STPG4: variants seen among roughly 807,000 people sequenced by gnomAD.
STPG4 encodes the protein sperm-tail PG-rich repeat containing 4, also known as protein STPG4.
Under a neutral mutation model 31.5 loss-of-function variants are expected in STPG4, and 41 were observed. The ratio of observed to expected loss-of-function variants is 1.30; its 90% CI spans 1.01 to 1.69. STPG4 has a LOEUF of 1.69. STPG4 is among the 40% of genes most tolerant of loss of function. STPG4 has a pLI of 0.00. For missense variants in STPG4, 375 were observed against 293.4 expected (o/e 1.28, Z -2.03); for synonymous variants, 141 against 103.0 (o/e 1.37, Z -2.24).
chr2:47,130,601 C>T (rs768387837), intron 3 of STPG4, among the ~76,000 whole-genome samples: 9 of 151,992 alleles, frequency 5.9e-5, no homozygotes, highest in Admixed American at 2.6e-4. Flanking sequence ...CTGCAGCCTC[C>T]GCCTCCCCAG....
chr2:47,130,144 G>T (rs1164271284), intron 4 of STPG4, 52 bp downstream of exon 4: 2 of 1,531,586 alleles, frequency 1.3e-6, no homozygotes, highest in Non-Finnish European at 1.8e-6. Context: ...AGGAGTATTG[G>T]CGTGTAGGTA....
chr2:47,142,836 C>CTTTTTTTTTTTTT (rs10686388), intron 3 of STPG4, among the ~76,000 whole-genome samples: 5 of 73,836 alleles, frequency 6.8e-5, no homozygotes, highest in Non-Finnish European at 9.5e-5. Flanking sequence ...TTTATCTCAT[C>CTTTTTTTTTTTTT]TTTTTTTTTT....
chr2:47,088,550 C>T (rs902717864), intron 6 of STPG4, among the ~76,000 whole-genome samples: 1 of 152,226 alleles, frequency 6.6e-6, no homozygotes, highest in Non-Finnish European at 1.5e-5. Flanking sequence ...CTCTAGGGGG[C>T]TATGAGGCTC....
chr2:47,109,861 T>G (rs11897605), intron 5 of STPG4, among the ~76,000 whole-genome samples: 3,912 of 152,238 alleles, frequency 0.026, 176 homozygotes, highest in African/African-American at 0.089. Flanking sequence ...TTCACAATGC[T>G]GGTTTGAGGG....
At chr2:47,141,472 T>C (rs963990576) in intron 3 of STPG4, among the ~76,000 whole-genome samples, 4 of 152,120 alleles carry the variant, frequency 2.6e-5, no homozygotes, top group African/African-American at 9.7e-5. Flanking sequence ...GCTTTCAAAC[T>C]TCACTTTTGT....
intron 5 of STPG4, among the ~76,000 whole-genome samples, chr2:47,122,569 C>T (rs1223820479): frequency 2.6e-5 from 4 of 151,944 alleles, no homozygotes; most frequent in African/African-American, 9.7e-5. Context: ...CATATCTTTT[C>T]CTTTCCCTAC....
chr2:47,110,214 C>T (rs1686008171), intron 5 of STPG4, among the ~76,000 whole-genome samples: 1 of 152,222 alleles, frequency 6.6e-6, no homozygotes, highest in African/African-American at 2.4e-5. Context: ...GAAAGTGGGA[C>T]TATTTTTATT....
At chr2:47,137,692 T>G (rs558561894) in intron 3 of STPG4, among the ~76,000 whole-genome samples, 1 of 152,350 alleles carries the variant, frequency 6.6e-6, no homozygotes, top group East Asian at 1.9e-4. Flanking sequence ...TCTTTTCATG[T>G]CAGTTGTGGA....
At chr2:47,093,508 T>C (rs1685611344) in intron 5 of STPG4, among the ~76,000 whole-genome samples, 1 of 152,214 alleles carries the variant, frequency 6.6e-6, no homozygotes, top group Non-Finnish European at 1.5e-5. Flanking sequence ...CAAGAGATGA[T>C]GCTGAGTGTG....
At chr2:47,129,409 C>T (rs1686427992) in intron 5 of STPG4, 1 of 154,366 alleles carries the variant, frequency 6.5e-6, no homozygotes, top group Admixed American at 6.4e-5. Context: ...TATTTAGGAC[C>T]TCAGAGCACT....
chr2:47,150,600 C>A (rs1265842026), intron 3 of STPG4, among the ~76,000 whole-genome samples: 1 of 151,702 alleles, frequency 6.6e-6, no homozygotes, highest in African/African-American at 2.4e-5. Flanking sequence ...ACTGCAGCCT[C>A]AAACTCCCAG....
intron 5 of STPG4, among the ~76,000 whole-genome samples, chr2:47,091,724 T>C (rs369903541): frequency 1.1e-4 from 16 of 152,310 alleles, no homozygotes; most frequent in East Asian, 3.9e-4. Flanking sequence ...CTAAGTTGTA[T>C]ATGTTTTTCA....
At chr2:47,100,334 C>T (rs1467561316) in intron 5 of STPG4, among the ~76,000 whole-genome samples, 97 of 148,400 alleles carry the variant, frequency 6.5e-4, no homozygotes, top group African/African-American at 1.8e-3. Flanking sequence ...TGTGAATGCA[C>T]CAATCCACAC....
chr2:47,098,020 G>T (rs567405420), intron 5 of STPG4, among the ~76,000 whole-genome samples: 8 of 150,626 alleles, frequency 5.3e-5, no homozygotes, highest in Admixed American at 4.0e-4. Flanking sequence ...ACACCTTTTT[G>T]CTTTTCACGT....
At chr2:47,101,004 T>C (rs114410969) in intron 5 of STPG4, among the ~76,000 whole-genome samples, 8,362 of 151,884 alleles carry the variant, frequency 0.055, 426 homozygotes, top group African/African-American at 0.11. Flanking sequence ...ATGGGACATT[T>C]GCCTATCACC....
chr2:47,108,599 C>A, intron 5 of STPG4: 1 of 162,132 alleles, frequency 6.2e-6, no homozygotes, highest in Non-Finnish European at 1.3e-5. Context: ...TGCCTCTGTC[C>A]TGGAGATTCC....
chr2:47,123,281 C>A (rs897248019), intron 5 of STPG4, among the ~76,000 whole-genome samples: 2 of 152,086 alleles, frequency 1.3e-5, no homozygotes, highest in African/African-American at 4.8e-5. Flanking sequence ...ATTTTCATAT[C>A]TTTAAAAGGA....
chr2:47,123,973 TTTTA>T (rs145679913), intron 5 of STPG4, among the ~76,000 whole-genome samples: 10 of 152,128 alleles, frequency 6.6e-5, no homozygotes, highest in East Asian at 1.9e-4. Flanking sequence ...CTTATTTTTA[TTTTA>T]TTTATTTATT....
At chr2:47,111,976 G>A (rs1178178093) in intron 5 of STPG4, among the ~76,000 whole-genome samples, 1 of 152,158 alleles carries the variant, frequency 6.6e-6, no homozygotes, top group African/African-American at 2.4e-5. Context: ...TGCATGTTTT[G>A]TTTTGTTTTT....
Sources: allele counts gnomAD v4.1 joint callset (sites outside exome capture counted in the v4.1 genomes callset), GRCh38; gene constraint gnomAD v4.1.1; transcripts MANE v1.5; gene names NCBI Gene and HGNC (gene_info 2026-07-23, HGNC 2026-07-21).